The following SLC8A3 variants were observed in gnomAD, a reference collection of about 807,000 sequenced individuals.
SLC8A3 encodes solute carrier family 8 member A3, also known as sodium/calcium exchanger 3.
In SLC8A3, 37 loss-of-function variants were observed where a neutral mutation model predicts 65.4. That is an observed-to-expected ratio of 0.57 (90% CI 0.44 to 0.74). The LOEUF is 0.74. Among genes scored for constraint, SLC8A3 ranks in the 30% least tolerant of loss-of-function variants. SLC8A3 has a pLI of 0.00. For synonymous variants in SLC8A3, 461 were observed against 444.5 expected, an observed-to-expected ratio of 1.04 and a Z score of -0.47; for missense variants, 1,112 against 1,172.1, an observed-to-expected ratio of 0.95 and a Z score of 0.75.
chr14:70,080,923 T>C (rs1444199284), intron 2 of SLC8A3, among the ~76,000 whole-genome samples: 1 of 152,138 alleles, frequency 6.6e-6, no homozygotes, highest in African/African-American at 2.4e-5. Flanking sequence ...ATGACATAGA[T>C]AGGTTGGCAA....
At chr14:70,128,869 C>T (rs779150997) in intron 2 of SLC8A3, among the ~76,000 whole-genome samples, 5 of 152,308 alleles carry the variant, frequency 3.3e-5, no homozygotes, top group South Asian at 2.1e-4. Flanking sequence ...TCACGCAAAA[C>T]GCACAGTGTG....
intron 2 of SLC8A3, among the ~76,000 whole-genome samples, chr14:70,063,175 G>A (rs1268726745): frequency 6.6e-6 from 1 of 152,156 alleles, no homozygotes; most frequent in East Asian, 1.9e-4. Flanking sequence ...GAAAAACATA[G>A]GAAGACAAAT....
chr14:70,138,195 G>A (rs2140257754), intron 2 of SLC8A3, among the ~76,000 whole-genome samples: 1 of 152,276 alleles, frequency 6.6e-6, no homozygotes, highest in Non-Finnish European at 1.5e-5. Context: ...GCAGCCCTAG[G>A]ATGGGAGGAG....
At chr14:70,062,010 G>A (rs1199004311) in intron 2 of SLC8A3, among the ~76,000 whole-genome samples, 1 of 151,790 alleles carries the variant, frequency 6.6e-6, no homozygotes, top group East Asian at 1.9e-4. Context: ...CTTCCTATAT[G>A]GTTTCTTCTG....
chr14:70,068,143 G>C (rs369013046), intron 2 of SLC8A3, among the ~76,000 whole-genome samples: 1 of 152,154 alleles, frequency 6.6e-6, no homozygotes, highest in Non-Finnish European at 1.5e-5. Flanking sequence ...CCTTTGCATC[G>C]AGGACATTCA....
intron 2 of SLC8A3, among the ~76,000 whole-genome samples, chr14:70,164,268 A>G (rs981178196): frequency 1.3e-5 from 2 of 152,212 alleles, no homozygotes; most frequent in Non-Finnish European, 2.9e-5. Flanking sequence ...CAGAGTACTT[A>G]GAACCCACGA....
intron 2 of SLC8A3, among the ~76,000 whole-genome samples, chr14:70,066,914 C>T (rs1889492179): frequency 6.6e-6 from 1 of 152,204 alleles, no homozygotes; most frequent in Admixed American, 6.5e-5. Flanking sequence ...CCTTTGCCCT[C>T]TTTCTTCAAT....
intron 2 of SLC8A3, among the ~76,000 whole-genome samples, chr14:70,102,036 C>T (rs1892585690): frequency 6.6e-6 from 1 of 152,154 alleles, no homozygotes; most frequent in African/African-American, 2.4e-5. Context: ...GGTTTTCCTG[C>T]AAGTCTTTGG....
rs1886682197 is a variant in SLC8A3, at chr14:70,045,709, T to C, written c.*238A>G. The C allele has an allele frequency of 5.0e-6, 2 of 397,646 alleles. No homozygotes were observed. Among genetic ancestry groups the C allele is most frequent in the South Asian group, 8.5e-5 (1 of 11,764 alleles). 24.6% of individuals were successfully genotyped at this position (397,646 alleles called of 1,614,324 possible). Reference sequence around the variant, plus strand: ...TGGGGTGGAGGTGGATTTGTTGCTGTTGCTTGTTTGTATTCAATTAAATAC... The same window carrying C: ...TGGGGTGGAGGTGGATTTGTTGCTGCTGCTTGTTTGTATTCAATTAAATAC... On this transcript the variant is annotated 3_prime_UTR_variant, in exon 7 of 7. Transcript: ENST00000356921.
chr14:70,136,602 G>A (rs1172396369), intron 2 of SLC8A3, among the ~76,000 whole-genome samples: 2 of 152,164 alleles, frequency 1.3e-5, no homozygotes, highest in Non-Finnish European at 2.9e-5. Context: ...TGTGTTCCAT[G>A]TGTTCTTGGT....
intron 1 of SLC8A3, among the ~76,000 whole-genome samples, chr14:70,172,531 C>T (rs565773455): frequency 8.3e-4 from 126 of 152,278 alleles, no homozygotes; most frequent in Admixed American, 1.6e-3. Flanking sequence ...CTTACTGTTT[C>T]GATGCCTAGT....
intron 2 of SLC8A3, among the ~76,000 whole-genome samples, chr14:70,133,011 C>T (rs558778694): frequency 6.3e-4 from 92 of 146,558 alleles, no homozygotes; most frequent in African/African-American, 2.1e-3. Context: ...ACTCAATAAA[C>T]CCCCCCAAAA....
intron 2 of SLC8A3, among the ~76,000 whole-genome samples, chr14:70,153,561 T>C (rs1896403375): frequency 6.6e-6 from 1 of 152,196 alleles, no homozygotes; most frequent in Admixed American, 6.5e-5. Flanking sequence ...CCCCCTTCTA[T>C]AGCAGCTAGC....
chr14:70,112,528 C>T (rs1340269304), intron 2 of SLC8A3, among the ~76,000 whole-genome samples: 2 of 152,052 alleles, frequency 1.3e-5, no homozygotes, highest in Non-Finnish European at 2.9e-5. Context: ...AGCCTGGATG[C>T]GGGAATGAAG....
intron 2 of SLC8A3, among the ~76,000 whole-genome samples, chr14:70,115,810 C>T (rs962873031): frequency 1.3e-4 from 20 of 152,140 alleles, no homozygotes; most frequent in Admixed American, 1.1e-3. Flanking sequence ...TTCTAGGCCT[C>T]AGAGCTGCAA....
At chr14:70,098,856 G>C (rs1158188348) in intron 2 of SLC8A3, among the ~76,000 whole-genome samples, 1 of 152,216 alleles carries the variant, frequency 6.6e-6, no homozygotes, top group Non-Finnish European at 1.5e-5. Context: ...ATCCAAGAAA[G>C]TGCAGAAGAG....
chr14:70,171,904 G>C (rs1897568211), intron 1 of SLC8A3, among the ~76,000 whole-genome samples: 1 of 152,222 alleles, frequency 6.6e-6, no homozygotes, highest in African/African-American at 2.4e-5. Flanking sequence ...TGAATGCCTA[G>C]TTCCTCTTTG....
At chr14:70,114,541 G>A (rs1317149757) in intron 2 of SLC8A3, among the ~76,000 whole-genome samples, 1 of 152,160 alleles carries the variant, frequency 6.6e-6, no homozygotes, top group African/African-American at 2.4e-5. Context: ...GTTCGGAAAT[G>A]CAATGGCTGA....
intron 2 of SLC8A3, among the ~76,000 whole-genome samples, chr14:70,100,226 G>A (rs1489183369): frequency 1.3e-5 from 2 of 152,200 alleles, no homozygotes; most frequent in African/African-American, 4.8e-5. Context: ...TGCTGATGAG[G>A]TCAAGGTTAA....
Sources: allele counts gnomAD v4.1 joint callset (sites outside exome capture counted in the v4.1 genomes callset), GRCh38; gene constraint gnomAD v4.1.1; transcripts MANE v1.5; gene names NCBI Gene and HGNC (gene_info 2026-07-23, HGNC 2026-07-21).